The following DNAH9 variants were observed in gnomAD, a reference collection of about 807,000 sequenced individuals.
DNAH9 encodes the protein dynein axonemal heavy chain 9.
Under a neutral mutation model 471.6 loss-of-function variants are expected in DNAH9, and 345 were observed. That is an observed-to-expected ratio of 0.73 (90% confidence interval 0.67 to 0.80). DNAH9 has a LOEUF of 0.80. Among genes scored for constraint, DNAH9 ranks in the 30% least tolerant of loss-of-function variants. The pLI is 0.00. For synonymous variants in DNAH9, 2,093 were observed against 2,123.6 expected (o/e 0.99, Z 0.40); for missense variants, 5,407 against 5,609.2 (o/e 0.96, Z 1.15).
intron 45 of DNAH9, among the ~76,000 whole-genome samples, chr17:11,819,815 C>T (rs1567824570): frequency 6.6e-6 from 1 of 152,136 alleles, no homozygotes; most frequent in Admixed American, 6.6e-5. Flanking sequence ...ACAATTTGGA[C>T]ATGACTAAAA....
In DNAH9 at chr17:11,930,078, G is replaced by C. The variant is rs753688755; in HGVS notation, c.12090G>C (p.Leu4030=). The change falls in exon 63 of 69, where the codon CTG becomes CTC. Residue 4030 remains leucine (L), a synonymous_variant. Coordinates refer to ENST00000262442, the MANE Select transcript of DNAH9 (RefSeq NM_001372.4). ...TGMHANLHKA[L]DNFTQDTLEM... Reference sequence around the variant, plus strand: ...TGCATGCCAACCTGCACAAGGCCCTGGACAACTTCACTCAGGTACGGCCCC... The same window carrying C: ...TGCATGCCAACCTGCACAAGGCCCTCGACAACTTCACTCAGGTACGGCCCC... 6.2e-7 allele frequency: 1 copy of C among 1,613,900 alleles called. No homozygotes were observed. The highest frequency in any genetic ancestry group is 2.2e-5 in the East Asian group (1 of 44,858).
intron 35 of DNAH9, among the ~76,000 whole-genome samples, chr17:11,758,918 G>A (rs1967522287): frequency 6.6e-6 from 1 of 152,086 alleles, no homozygotes; most frequent in Non-Finnish European, 1.5e-5. Context: ...CAGTCCGTGG[G>A]TGACCCATGG....
chr17:11,695,223 G>A (rs185245228), intron 22 of DNAH9, among the ~76,000 whole-genome samples: 64 of 152,140 alleles, frequency 4.2e-4, no homozygotes, highest in African/African-American at 1.4e-3. Context: ...CAGTATTGCT[G>A]CTCAGCATGC....
At chr17:11,748,797 C>A (rs1444084833) in intron 32 of DNAH9, among the ~76,000 whole-genome samples, 1 of 152,074 alleles carries the variant, frequency 6.6e-6, no homozygotes, top group Non-Finnish European at 1.5e-5. Context: ...ATAAGGAGGA[C>A]CTCTTTCTAA....
At chr17:11,963,669 A>ATTT (rs1976443567) in intron 68 of DNAH9, among the ~76,000 whole-genome samples, 1 of 147,018 alleles carries the variant, frequency 6.8e-6, no homozygotes, top group Non-Finnish European at 1.5e-5. Context: ...ATTTTTTTTA[A>ATTT]AAAAAAGAAA....
At position 11,719,364 on chromosome 17, in the gene DNAH9, C is replaced by T. The variant is rs749041379; in HGVS notation, c.5583C>T (p.His1861=). The T allele has an allele frequency of 8.7e-6, 14 of 1,614,118 alleles. No homozygotes were observed. Among genetic ancestry groups the T allele is most frequent in the Non-Finnish European group, 9.3e-6 (11 of 1,180,008 alleles). Residue 1861 remains histidine (H), a synonymous_variant, in exon 27 of 69, where the codon CAC becomes CAT. Coordinates refer to ENST00000262442, the MANE Select transcript of DNAH9 (RefSeq NM_001372.4). Reference sequence around the variant, plus strand: ...ACATCACCCTCACCCAGTCCCTGCACCTGACCATGAGTGGGGCTCCCGCAG... The same window carrying T: ...ACATCACCCTCACCCAGTCCCTGCATCTGACCATGAGTGGGGCTCCCGCAG... The part of the protein sequence containing the change: ...RCYITLTQSL[H]LTMSGAPAGP...
At chr17:11,692,053 C>T (rs1260658332) in intron 20 of DNAH9, among the ~76,000 whole-genome samples, 2 of 33,424 alleles carry the variant, frequency 6.0e-5, no homozygotes, top group Non-Finnish European at 1.3e-4. Flanking sequence ...CTGCCCGCCT[C>T]AGCCTCCCAA....
chr17:11,688,912 A>G (rs1421581770), intron 19 of DNAH9, among the ~76,000 whole-genome samples: 2 of 152,074 alleles, frequency 1.3e-5, no homozygotes, highest in Non-Finnish European at 2.9e-5. Flanking sequence ...CCTGGCCGAC[A>G]TGGTGAAACC....
intron 62 of DNAH9, among the ~76,000 whole-genome samples, chr17:11,924,429 C>T (rs1451187833): frequency 2.6e-5 from 4 of 151,958 alleles, no homozygotes; most frequent in Non-Finnish European, 5.9e-5. Flanking sequence ...AATCTGGAAC[C>T]CCTACTACTG....
intron 38 of DNAH9, among the ~76,000 whole-genome samples, chr17:11,775,735 G>C (rs983886621): frequency 6.6e-6 from 1 of 150,720 alleles, no homozygotes; most frequent in Admixed American, 6.7e-5. Flanking sequence ...CTCCCAAGTA[G>C]CTGGGACTAC....
At position 11,873,610 on chromosome 17, in the gene DNAH9, G is replaced by A. The variant is rs571961888; in HGVS notation, c.10243-1339G>A. The stretch of plus-strand genomic sequence containing the variant: ...TTAAAAGGGTATTTGTCTAAACCTC[G>A]AAAGCATTATGCTAAGTGAAAGTAA... On this transcript the variant is annotated intron_variant, in intron 52 of 68. Coordinates refer to ENST00000262442, the MANE Select transcript of DNAH9 (RefSeq NM_001372.4). Among the ~76,000 whole-genome samples, 4 of 152,254 alleles carry A rather than the reference G, an allele frequency of 2.6e-5. No homozygotes were observed. The East Asian group carries it at 7.7e-4, about 29-fold the overall frequency.
rs1238269822 is a variant in DNAH9 at position 11,623,295 on chromosome 17, G to A, written c.1350+3514G>A. 6.6e-6 allele frequency among the ~76,000 whole-genome samples: 1 copy of A among 151,746 alleles called. No individual in the cohort carries two copies. The highest frequency in any genetic ancestry group is 2.4e-5 in the African/African-American group (1 of 41,354). The stretch of plus-strand genomic sequence containing the variant: ...GGCCAGCATTTCTTTTCTTGACTGT[G>A]TTTCCCTCTCTTTCCCTTTGTCTAA... On this transcript the variant is annotated intron_variant, in intron 6 of 68. Transcript: ENST00000262442. This position sits in a 1 kb window ranked among gnomAD's most constrained non-coding sequence, Gnocchi z 4.1.
In DNAH9 at chr17:11,742,178, T is replaced by C; in HGVS notation, c.5976T>C (p.Pro1992=). ...LPENLKSLFR[P]CAMVVPDFEL... ...CCTTCTGTCTTTCTATACTCAGGCCTTGTGCAATGGTGGTTCCAGACTTTG... is the reference window on the plus strand; with the variant it reads ...CCTTCTGTCTTTCTATACTCAGGCCCTGTGCAATGGTGGTTCCAGACTTTG... Residue 1992 remains proline, a synonymous_variant, in exon 30 of 69, where the codon CCT becomes CCC. Coordinates refer to ENST00000262442, the MANE Select transcript of DNAH9 (RefSeq NM_001372.4). The C allele has an allele frequency of 6.2e-7, 1 of 1,614,102 alleles. No homozygotes were observed. The highest frequency in any genetic ancestry group is 8.5e-7 in the Non-Finnish European group (1 of 1,179,930).
rs138252299 is a variant in DNAH9 at position 11,856,496 on chromosome 17, G to A, written c.9933+2068G>A. Among the ~76,000 whole-genome samples the A allele has an allele frequency of 1.0e-4, 15 of 149,218 alleles. No individual in the cohort carries two copies. The East Asian group carries it at 2.6e-3, about 25-fold the overall frequency. Reference sequence around the variant, plus strand: ...AGGAGGATCATGAGGCCGGGAGATCGAGACCATCCAGGCCACCATGGTGAA... The same window carrying A: ...AGGAGGATCATGAGGCCGGGAGATCAAGACCATCCAGGCCACCATGGTGAA... On this transcript the variant is annotated intron_variant, in intron 50 of 68. Transcript: ENST00000262442.
In DNAH9 at chr17:11,923,952, C is replaced by T; in HGVS notation, c.11877+11C>T. The T allele has an allele frequency of 6.2e-7, 1 of 1,612,954 alleles. No individual in the cohort carries two copies. The highest frequency in any genetic ancestry group is 2.2e-5 in the East Asian group (1 of 44,838). ...TGGGTTATTTTGCAGGTATGTTCCT[C>T]TACCCTTGTCTGGGTTATCTTGACC... On this transcript the variant is annotated intron_variant, in intron 62 of 68. Coordinates refer to ENST00000262442, the MANE Select transcript of DNAH9 (RefSeq NM_001372.4).
intron 49 of DNAH9, among the ~76,000 whole-genome samples, chr17:11,841,304 T>A (rs1187740743): frequency 1.3e-5 from 2 of 152,180 alleles, no homozygotes; most frequent in Admixed American, 1.3e-4. Context: ...GAGAAAAATG[T>A]GGTCCATGCT....
At chr17:11,758,530 C>G (rs1019099672) in intron 35 of DNAH9, among the ~76,000 whole-genome samples, 4 of 152,102 alleles carry the variant, frequency 2.6e-5, no homozygotes, top group African/African-American at 9.7e-5. Context: ...TTATGTTTCC[C>G]GGAAACTAAA....
Position 11,937,154 on chromosome 17 carries a change from C to T in DNAH9, c.12490-198C>T, listed in dbSNP as rs796611525. ...GAATGAATGTGGAAGTTTTGGGAAA[C>T]GGGTCCAGCCGACAAAAATGGATGA... On this transcript the variant is annotated intron_variant, in intron 65 of 68. Coordinates refer to ENST00000262442, the MANE Select transcript of DNAH9 (RefSeq NM_001372.4). The surrounding 1 kb of genome is among the most constrained non-coding windows in gnomAD (Gnocchi z 4.1). Among the ~76,000 whole-genome samples, 2 of 152,168 alleles carry T rather than the reference C, an allele frequency of 1.3e-5. No individual in the cohort carries two copies. Among genetic ancestry groups the T allele is most frequent in the Admixed American group, 6.5e-5 (1 of 15,288 alleles).
At chr17:11,888,803 G>T (rs899339782) in intron 57 of DNAH9, among the ~76,000 whole-genome samples, 3 of 152,166 alleles carry the variant, frequency 2.0e-5, no homozygotes, top group African/African-American at 7.2e-5. Flanking sequence ...CATGGTCTTG[G>T]CTTTTGTCTG....
Sources: allele counts gnomAD v4.1 joint callset (sites outside exome capture counted in the v4.1 genomes callset), GRCh38; gene constraint gnomAD v4.1.1; non-coding constraint Gnocchi (gnomAD v3.1); transcripts MANE v1.5; gene names NCBI Gene and HGNC (gene_info 2026-07-23, HGNC 2026-07-21).